The following FHIT variants were observed in gnomAD, a reference collection of about 807,000 sequenced individuals.
The protein encoded by FHIT is fragile histidine triad diadenosine triphosphatase, also known as bis(5'-adenosyl)-triphosphatase.
FHIT carries 19 observed loss-of-function variants against 17.9 expected under a neutral mutation model. That is an observed-to-expected ratio of 1.06 (90% confidence interval 0.74 to 1.56). The LOEUF is 1.56. Among genes scored for constraint, FHIT ranks in the 40% most tolerant of loss-of-function variants. The pLI, the probability that FHIT is intolerant of heterozygous loss-of-function variation, is 0.00. For missense variants in FHIT, 248 were observed against 189.2 expected (o/e 1.31, Z -1.82); for synonymous variants, 81 against 69.7 (o/e 1.16, Z -0.81).
intron 3 of FHIT, among the ~76,000 whole-genome samples, chr3:60,924,929 C>T (rs111469864): frequency 0.044 from 6,627 of 152,030 alleles, 503 homozygotes; most frequent in African/African-American, 0.15. Context: ...TCTCAGTAGC[C>T]GATTCGATCA....
chr3:59,953,562 T>A (rs1707235183), intron 7 of FHIT, among the ~76,000 whole-genome samples: 1 of 152,188 alleles, frequency 6.6e-6, no homozygotes. Context: ...TTTCCTCGTT[T>A]TTCCCCAACA....
At chr3:61,071,496 G>A (rs986306451) in intron 2 of FHIT, among the ~76,000 whole-genome samples, 2 of 152,124 alleles carry the variant, frequency 1.3e-5, no homozygotes, top group Non-Finnish European at 2.9e-5. Flanking sequence ...GAGAAATAGG[G>A]AGAAACAAAT....
intron 2 of FHIT, among the ~76,000 whole-genome samples, chr3:61,101,736 G>C (rs924102103): frequency 3.3e-5 from 5 of 152,114 alleles, no homozygotes; most frequent in Admixed American, 1.3e-4. Flanking sequence ...TTGTTGAGCA[G>C]TGGTTGGTAG....
intron 5 of FHIT, among the ~76,000 whole-genome samples, chr3:60,416,679 C>A (rs1265389968): frequency 1.3e-5 from 2 of 152,140 alleles, no homozygotes; most frequent in Non-Finnish European, 2.9e-5. Flanking sequence ...AACAAAACAG[C>A]AGCAGGCATG....
intron 4 of FHIT, among the ~76,000 whole-genome samples, chr3:60,695,331 G>T (rs1377485422): frequency 5.3e-5 from 8 of 152,174 alleles, no homozygotes; most frequent in Non-Finnish European, 7.3e-5. Flanking sequence ...AGGAGGCAAA[G>T]GTTGCAGTGA....
At chr3:60,450,614 G>T (rs1196662220) in intron 5 of FHIT, among the ~76,000 whole-genome samples, 1 of 152,150 alleles carries the variant, frequency 6.6e-6, no homozygotes, top group Non-Finnish European at 1.5e-5. Context: ...ATGAGGAGCT[G>T]CAGGTCAGCT....
chr3:60,216,511 C>T (rs1189395486), intron 5 of FHIT, among the ~76,000 whole-genome samples: 1 of 151,918 alleles, frequency 6.6e-6, no homozygotes, highest in Non-Finnish European at 1.5e-5. Context: ...TTTGAATGTC[C>T]CAAATATATT....
chr3:60,996,569 C>A (rs192674568), intron 3 of FHIT, among the ~76,000 whole-genome samples: 1 of 152,100 alleles, frequency 6.6e-6, no homozygotes, highest in African/African-American at 2.4e-5. Flanking sequence ...CATGAAAAAT[C>A]GTAATGTCCA....
At chr3:60,912,050 CACAT>C (rs1349341260) in intron 3 of FHIT, among the ~76,000 whole-genome samples, 1 of 93,756 alleles carries the variant, frequency 1.1e-5, no homozygotes, top group Non-Finnish European at 2.2e-5. Flanking sequence ...CACACACACA[CACAT>C]ACACACACAC....
chr3:60,406,499 C>T (rs541852772), intron 5 of FHIT, among the ~76,000 whole-genome samples: 8 of 152,284 alleles, frequency 5.3e-5, no homozygotes, highest in Non-Finnish European at 7.3e-5. Context: ...AAGAGACACA[C>T]GGCACTTCAG....
intron 8 of FHIT, among the ~76,000 whole-genome samples, chr3:59,864,467 C>A (rs897490130): frequency 6.6e-6 from 1 of 152,032 alleles, no homozygotes; most frequent in Non-Finnish European, 1.5e-5. Context: ...TTTTTCTTCC[C>A]AGTCTTGGGT....
chr3:60,330,488 G>A (rs552342525), intron 5 of FHIT, among the ~76,000 whole-genome samples: 9 of 152,198 alleles, frequency 5.9e-5, no homozygotes, highest in African/African-American at 1.2e-4. Flanking sequence ...AGGCATGACT[G>A]TTCACTGTGC....
intron 8 of FHIT, among the ~76,000 whole-genome samples, chr3:59,844,787 A>C (rs1037309426): frequency 6.6e-6 from 1 of 152,052 alleles, no homozygotes; most frequent in African/African-American, 2.4e-5. Flanking sequence ...TTTTTTTGCA[A>C]TGTCTTTGTA....
intron 3 of FHIT, among the ~76,000 whole-genome samples, chr3:61,023,409 C>T (rs1047393363): frequency 3.9e-5 from 6 of 152,102 alleles, no homozygotes; most frequent in Admixed American, 1.3e-4. Flanking sequence ...GTGAAAATGG[C>T]CATACTGCCC....
At chr3:60,606,003 A>C (rs1339774887) in intron 4 of FHIT, among the ~76,000 whole-genome samples, 1 of 152,190 alleles carries the variant, frequency 6.6e-6, no homozygotes, top group Non-Finnish European at 1.5e-5. Context: ...TATAGAAACC[A>C]GGGGATGTTA....
At chr3:59,901,982 G>C (rs1704349297) in intron 8 of FHIT, among the ~76,000 whole-genome samples, 1 of 152,118 alleles carries the variant, frequency 6.6e-6, no homozygotes, top group Non-Finnish European at 1.5e-5. Context: ...GAAGAGCAAA[G>C]AAAACAAGCA....
intron 5 of FHIT, among the ~76,000 whole-genome samples, chr3:60,277,658 G>A (rs1011274693): frequency 4.6e-5 from 7 of 152,052 alleles, no homozygotes; most frequent in Non-Finnish European, 8.8e-5. Flanking sequence ...ATCAGACACC[G>A]CCTCCTCAAG....
chr3:59,834,072 T>C (rs1255046208), intron 8 of FHIT, among the ~76,000 whole-genome samples: 1 of 152,166 alleles, frequency 6.6e-6, no homozygotes, highest in Non-Finnish European at 1.5e-5. Flanking sequence ...CTAATACAGC[T>C]ATATTGCCAT....
intron 5 of FHIT, among the ~76,000 whole-genome samples, chr3:60,131,353 A>C (rs1239511173): frequency 6.6e-6 from 1 of 151,912 alleles, no homozygotes; most frequent in East Asian, 1.9e-4. Flanking sequence ...TTTTTTCCCA[A>C]ATATTCTTGA....
Sources: gnomAD v4.1 joint callset for allele counts (sites outside exome capture counted in the v4.1 genomes callset) on GRCh38, gnomAD v4.1.1 for gene constraint, MANE v1.5 for transcripts, NCBI Gene and HGNC (gene_info 2026-07-23, HGNC 2026-07-21) for gene names.